ZDHHC14: variants seen among roughly 807,000 people sequenced by gnomAD.
ZDHHC14 encodes the protein palmitoyltransferase ZDHHC14.
In ZDHHC14, 16 loss-of-function variants were observed where a neutral mutation model predicts 47.7. That is an observed-to-expected ratio of 0.34 (90% CI 0.23 to 0.51). The LOEUF (loss-of-function observed/expected upper bound fraction) is 0.51. Among genes scored for constraint, ZDHHC14 ranks in the 20% least tolerant of loss-of-function variants. The pLI is 0.97. For missense variants in ZDHHC14, 515 were observed against 662.5 expected, an observed-to-expected ratio of 0.78 and a Z score of 2.44; for synonymous variants, 293 against 278.9, an observed-to-expected ratio of 1.05 and a Z score of -0.50.
chr6:157,444,515 T>A (rs1778621775), intron 1 of ZDHHC14, among the ~76,000 whole-genome samples: 1 of 151,968 alleles, frequency 6.6e-6, no homozygotes, highest in Non-Finnish European at 1.5e-5. Context: ...CTATCTCTAC[T>A]AAAAATAGAA....
chr6:157,518,866 AGT>A (rs1258033476), intron 1 of ZDHHC14, among the ~76,000 whole-genome samples: 2 of 152,174 alleles, frequency 1.3e-5, no homozygotes, highest in African/African-American at 2.4e-5. Flanking sequence ...TAGTCTTCAC[AGT>A]CACATGTGGC....
intron 8 of ZDHHC14, among the ~76,000 whole-genome samples, chr6:157,661,726 A>G (rs891603162): frequency 1.3e-5 from 2 of 152,372 alleles, no homozygotes; most frequent in Middle Eastern, 3.4e-3. Context: ...GAAGAAAGTT[A>G]TACTGAGGTT....
chr6:157,618,074 G>T (rs1429298305), intron 3 of ZDHHC14, among the ~76,000 whole-genome samples: 1 of 152,306 alleles, frequency 6.6e-6, no homozygotes, highest in South Asian at 2.1e-4. Flanking sequence ...AATTTTGCAA[G>T]ATAATTTGTT....
At chr6:157,529,396 G>T (rs2114780470) in intron 1 of ZDHHC14, among the ~76,000 whole-genome samples, 1 of 152,264 alleles carries the variant, frequency 6.6e-6, no homozygotes, top group Admixed American at 6.5e-5. Flanking sequence ...CATGTATTTT[G>T]CAATAACAGG....
At chr6:157,560,923 G>A (rs907895468) in intron 2 of ZDHHC14, among the ~76,000 whole-genome samples, 7 of 152,220 alleles carry the variant, frequency 4.6e-5, no homozygotes, top group Admixed American at 2.0e-4. Flanking sequence ...GAGGCGTGGC[G>A]TGTCTAATCA....
chr6:157,540,910 G>GTA (rs1554264587), intron 1 of ZDHHC14, among the ~76,000 whole-genome samples: 1,951 of 122,948 alleles, frequency 0.016, 26 homozygotes, highest in Non-Finnish European at 0.018. Context: ...GTGTGTGTGT[G>GTA]TATATATATA....
chr6:157,480,686 C>G (rs1779605542), intron 1 of ZDHHC14, among the ~76,000 whole-genome samples: 1 of 152,190 alleles, frequency 6.6e-6, no homozygotes, highest in Non-Finnish European at 1.5e-5. Context: ...ATCAGATGAT[C>G]ATGGTTTTAA....
chr6:157,635,697 C>T (rs1044344424), intron 5 of ZDHHC14, among the ~76,000 whole-genome samples: 6 of 152,136 alleles, frequency 3.9e-5, no homozygotes, highest in Non-Finnish European at 2.9e-5. Context: ...ACCAGGAACA[C>T]GGCATCCCCC....
intron 1 of ZDHHC14, among the ~76,000 whole-genome samples, chr6:157,446,744 C>T (rs1778678181): frequency 6.6e-6 from 1 of 152,138 alleles, no homozygotes; most frequent in Non-Finnish European, 1.5e-5. Context: ...GACATATTGG[C>T]TGTATTACAC....
chr6:157,514,934 ACT>A (rs1294353498), intron 1 of ZDHHC14, among the ~76,000 whole-genome samples: 1 of 152,120 alleles, frequency 6.6e-6, no homozygotes, highest in African/African-American at 2.4e-5. Context: ...AGGTCCGGAG[ACT>A]CAGTGTTATC....
intron 4 of ZDHHC14, chr6:157,630,039 G>A (rs1583042530): frequency 6.6e-6 from 1 of 152,204 alleles, no homozygotes; most frequent in Admixed American, 6.5e-5. Flanking sequence ...CTCAGCTGGA[G>A]TGCAGTGGCG....
chr6:157,434,165 C>T (rs892557338), intron 1 of ZDHHC14, among the ~76,000 whole-genome samples: 1 of 151,272 alleles, frequency 6.6e-6, no homozygotes, highest in East Asian at 1.9e-4. Context: ...TAGTATTAGA[C>T]CTAACATATT....
At chr6:157,474,262 A>G (rs1018133150) in intron 1 of ZDHHC14, among the ~76,000 whole-genome samples, 1 of 152,156 alleles carries the variant, frequency 6.6e-6, no homozygotes, top group Non-Finnish European at 1.5e-5. Context: ...AAGTCCTGCG[A>G]CTACAGGTGT....
At chr6:157,540,599 A>C (rs1212445438) in intron 1 of ZDHHC14, among the ~76,000 whole-genome samples, 1 of 152,164 alleles carries the variant, frequency 6.6e-6, no homozygotes, top group Non-Finnish European at 1.5e-5. Context: ...TGTCTGGTTC[A>C]CGTTGTCCAG....
At chr6:157,602,801 C>G (rs930615252) in intron 3 of ZDHHC14, among the ~76,000 whole-genome samples, 3 of 152,236 alleles carry the variant, frequency 2.0e-5, no homozygotes, top group Admixed American at 6.5e-5. Context: ...CGTACCCAGG[C>G]TGGGTTCTGC....
At chr6:157,634,716 A>G (rs767496631) in intron 5 of ZDHHC14, among the ~76,000 whole-genome samples, 5 of 152,172 alleles carry the variant, frequency 3.3e-5, no homozygotes, top group South Asian at 2.1e-4. Context: ...ACTCCCCCCA[A>G]TTCTGTCCTG....
intron 1 of ZDHHC14, among the ~76,000 whole-genome samples, chr6:157,452,951 C>T (rs573625746): frequency 6.6e-5 from 10 of 152,118 alleles, no homozygotes; most frequent in African/African-American, 1.4e-4. Context: ...ATGATCCACC[C>T]GCCTTGGCCT....
At chr6:157,470,798 A>C (rs1227733763) in intron 1 of ZDHHC14, among the ~76,000 whole-genome samples, 1 of 152,254 alleles carries the variant, frequency 6.6e-6, no homozygotes, top group Non-Finnish European at 1.5e-5. Flanking sequence ...TCATGAACCC[A>C]GTGGAAGAAA....
At chr6:157,606,185 C>CT (rs1784534108) in intron 3 of ZDHHC14, among the ~76,000 whole-genome samples, 1 of 152,164 alleles carries the variant, frequency 6.6e-6, no homozygotes, top group Admixed American at 6.5e-5. Flanking sequence ...TGAGGAGAGT[C>CT]TGGAAGCGGT....
Sources: gnomAD v4.1 joint callset for allele counts (sites outside exome capture counted in the v4.1 genomes callset) on GRCh38, gnomAD v4.1.1 for gene constraint, MANE v1.5 for transcripts, NCBI Gene and HGNC (gene_info 2026-07-23, HGNC 2026-07-21) for gene names.